The following OTOA variants were observed in gnomAD, a reference collection of about 807,000 sequenced individuals.
The protein encoded by OTOA is otoancorin, also known as cancer/testis antigen 108.
OTOA carries 70 observed loss-of-function variants against 110.8 expected under a neutral mutation model. That is an observed-to-expected ratio of 0.63 (90% CI 0.52 to 0.77). OTOA has a LOEUF of 0.77. Ranked by LOEUF, OTOA falls within the 30% of genes least tolerant of loss-of-function variation. The probability of loss-of-function intolerance (pLI) is 0.00; values close to 1 mark genes in which losing one functional copy is unlikely to be tolerated. For missense variants in OTOA, 917 were observed against 1,075.8 expected, an observed-to-expected ratio of 0.85 and a Z score of 2.06; for synonymous variants, 373 against 431.5, an observed-to-expected ratio of 0.86 and a Z score of 1.68.
At chr16:21,682,406 C>T (rs1384817802) in intron 6 of OTOA, among the ~76,000 whole-genome samples, 1 of 152,190 alleles carries the variant, frequency 6.6e-6, no homozygotes, top group African/African-American at 2.4e-5. Flanking sequence ...GAGCCATGTA[C>T]CCAACTAAAA....
intron 21 of OTOA, among the ~76,000 whole-genome samples, chr16:21,733,596 T>C (rs1451084979): frequency 6.6e-6 from 1 of 150,656 alleles, no homozygotes; most frequent in African/African-American, 2.4e-5. Context: ...TTGTAGAGCC[T>C]GATGGATTAT....
intron 11 of OTOA, 28 bp downstream of exon 11, chr16:21,701,055 G>C (rs752154962): frequency 4.3e-6 from 7 of 1,613,864 alleles, no homozygotes; most frequent in African/African-American, 4.0e-5. Context: ...GGGCCTTGGA[G>C]CCCTTTCCCA....
intron 10 of OTOA, among the ~76,000 whole-genome samples, chr16:21,698,981 C>T (rs773957317): frequency 2.0e-5 from 3 of 152,120 alleles, no homozygotes; most frequent in South Asian, 2.1e-4. Context: ...AATGGAGTCT[C>T]GTTCTGTCGT....
chr16:21,756,542 C>G (rs1200761566), intron 27 of OTOA, among the ~76,000 whole-genome samples: 1 of 152,006 alleles, frequency 6.6e-6, no homozygotes, highest in Admixed American at 6.6e-5. Flanking sequence ...TGTGTTTCCC[C>G]CTCCACATCA....
intron 22 of OTOA, 39 bp downstream of exon 22, chr16:21,736,429 G>T: frequency 1.2e-6 from 2 of 1,613,618 alleles, no homozygotes; most frequent in Non-Finnish European, 1.7e-6. Context: ...TGCTGACATA[G>T]TAATTAATGT....
chr16:21,715,679 G>A (rs1009700276), intron 14 of OTOA, among the ~76,000 whole-genome samples: 3 of 151,712 alleles, frequency 2.0e-5, no homozygotes, highest in South Asian at 2.1e-4. Context: ...CACCATGTCT[G>A]GCTAATTTAT....
chr16:21,714,197 T>C (rs996581087), intron 13 of OTOA, among the ~76,000 whole-genome samples: 1 of 152,084 alleles, frequency 6.6e-6, no homozygotes, highest in South Asian at 2.1e-4. Context: ...TATAATTTCT[T>C]TCTTTCTTTC....
intron 7 of OTOA, 74 bp downstream of exon 7, chr16:21,685,435 A>G: frequency 6.3e-7 from 1 of 1,581,222 alleles, no homozygotes; most frequent in South Asian, 1.1e-5. Context: ...GAATAAATGG[A>G]GCCTGACTTA....
Position 21,685,147 on chromosome 16 carries a change from C to A in OTOA, c.268-83C>A, listed in dbSNP as rs946322290. On this transcript the variant is annotated intron_variant, in intron 6 of 28. Coordinates refer to ENST00000646100, the MANE Select transcript of OTOA (RefSeq NM_144672.4). ...TGGTCTCTGCAGGGAATGAGGGGGC[C>A]GGGCTGGGCCGCTGGCCATGGTGCT... 1.0e-5 allele frequency: 16 copies of A among 1,564,728 alleles called. No individual in the cohort carries two copies. The Admixed American group carries it at 2.7e-4, about 26-fold the overall frequency.
intron 6 of OTOA, chr16:21,684,377 G>A: frequency 7.0e-7 from 1 of 1,427,142 alleles, no homozygotes; most frequent in Non-Finnish European, 9.3e-7. Flanking sequence ...TTCAGGAGAG[G>A]CTGATGGCTT....
intron 14 of OTOA, 41 bp from the exon 15 acceptor site, chr16:21,716,866 A>C (rs1415959508): frequency 2.5e-6 from 4 of 1,612,496 alleles, no homozygotes; most frequent in Non-Finnish European, 3.4e-6. Flanking sequence ...AGCTCAATGC[A>C]TTTTTTACAA....
At chr16:21,691,483 A>T in intron 8 of OTOA, 101 bp from the exon 9 acceptor site, 1 of 947,052 alleles carries the variant, frequency 1.1e-6, no homozygotes, top group Non-Finnish European at 1.7e-6. Flanking sequence ...GAAGGGTTTT[A>T]ACACAAGACA....
intron 11 of OTOA, 136 bp downstream of exon 11, chr16:21,701,163 T>C (rs1898045733): frequency 7.4e-7 from 1 of 1,344,534 alleles, no homozygotes; most frequent in Non-Finnish European, 1.0e-6. Flanking sequence ...CATATTTCTC[T>C]GTGCATGTGA....
At chr16:21,681,653 C>A in intron 5 of OTOA, 85 bp from the exon 6 acceptor site, 1 of 1,145,448 alleles carries the variant, frequency 8.7e-7, no homozygotes, top group Non-Finnish European at 1.3e-6. Context: ...CCATCCCTAC[C>A]TGTCCCCTGG....
chr16:21,719,814 G>A (rs1305522402), intron 17 of OTOA, among the ~76,000 whole-genome samples: 1 of 152,162 alleles, frequency 6.6e-6, no homozygotes. Context: ...TACTCCTTCA[G>A]CTAATATTCC....
intron 1 of OTOA, among the ~76,000 whole-genome samples, chr16:21,674,387 T>G (rs1246906970): frequency 6.6e-6 from 1 of 152,000 alleles, no homozygotes; most frequent in Non-Finnish European, 1.5e-5. Flanking sequence ...CTTGGCTCAC[T>G]GCAACCTCTG....
chr16:21,687,456 G>T lies in OTOA; in HGVS notation c.443G>T (p.Arg148Leu). ...IIIDLGEIRE[R>L]ALQSPGVNRS... ...ATCGACTTAGGAGAGATTCGAGAAC[G>T]AGCCTTGCAGAGCCCTGGCGTGAAC... The change falls in exon 8 of 29, where the codon CGA becomes CTA. Residue 148 changes from arginine (R) to leucine (L), a missense_variant. By Grantham distance (102) the Arg-to-Leu change is moderately radical. Coordinates refer to ENST00000646100, the MANE Select transcript of OTOA (RefSeq NM_144672.4). The T allele has an allele frequency of 6.2e-7, 1 of 1,614,042 alleles. No homozygotes were observed. The highest frequency in any genetic ancestry group is 8.5e-7 in the Non-Finnish European group (1 of 1,179,998).
intron 9 of OTOA, among the ~76,000 whole-genome samples, chr16:21,695,109 A>C (rs1191602069): frequency 6.6e-6 from 1 of 151,996 alleles, no homozygotes; most frequent in African/African-American, 2.4e-5. Flanking sequence ...AAAATATCCC[A>C]ACCTTGCTGG....
At chr16:21,685,460 A>C in intron 7 of OTOA, 99 bp downstream of exon 7, 1 of 1,520,704 alleles carries the variant, frequency 6.6e-7, no homozygotes, top group Non-Finnish European at 8.9e-7. Flanking sequence ...TTGGCACTTC[A>C]TTGTCTCTTC....
Sources: allele counts gnomAD v4.1 joint callset (sites outside exome capture counted in the v4.1 genomes callset), GRCh38; gene constraint gnomAD v4.1.1; transcripts MANE v1.5; gene names NCBI Gene and HGNC (gene_info 2026-07-23, HGNC 2026-07-21).